METTL15: variants seen among roughly 807,000 people sequenced by gnomAD.
METTL15 encodes the protein 12S rRNA N(4)-cytidine methyltransferase METTL15.
METTL15 carries 34 observed loss-of-function variants against 38.3 expected under a neutral mutation model. That is an observed-to-expected ratio of 0.89 (90% CI 0.68 to 1.18). METTL15 has a LOEUF of 1.18. Ranked by LOEUF, METTL15 falls within the 50% of genes most tolerant of loss-of-function variation. The pLI, the probability that METTL15 is intolerant of heterozygous loss-of-function variation, is 0.00. For missense variants in METTL15, 438 were observed against 498.4 expected, an observed-to-expected ratio of 0.88 and a Z score of 1.15; for synonymous variants, 162 against 170.9, an observed-to-expected ratio of 0.95 and a Z score of 0.41.
At chr11:28,390,944 C>T (rs980608260) in intron 5 of METTL15, among the ~76,000 whole-genome samples, 7 of 152,178 alleles carry the variant, frequency 4.6e-5, no homozygotes, top group East Asian at 1.9e-4. Context: ...AGGTCCTTCA[C>T]GTCCCTTGTA....
At chr11:28,270,104 G>A (rs906527755) in intron 4 of METTL15, among the ~76,000 whole-genome samples, 1 of 151,984 alleles carries the variant, frequency 6.6e-6, no homozygotes, top group Non-Finnish European at 1.5e-5. Flanking sequence ...TACTGTTATT[G>A]TTATGAATTA....
intron 4 of METTL15, among the ~76,000 whole-genome samples, chr11:28,233,147 A>G (rs1353898049): frequency 6.6e-6 from 1 of 152,052 alleles, no homozygotes; most frequent in Non-Finnish European, 1.5e-5. Flanking sequence ...GTACATTTGT[A>G]TTCTTAAATG....
At chr11:28,486,083 A>G (rs1283115448) in intron 6 of METTL15, among the ~76,000 whole-genome samples, 1 of 152,222 alleles carries the variant, frequency 6.6e-6, no homozygotes, top group Non-Finnish European at 1.5e-5. Flanking sequence ...GACACAATTT[A>G]GTCCATAGTT....
chr11:28,256,989 A>T (rs1435812776), intron 4 of METTL15, among the ~76,000 whole-genome samples: 1 of 152,000 alleles, frequency 6.6e-6, no homozygotes. Context: ...TGTACTTTGC[A>T]TGTATTTGTA....
intron 5 of METTL15, among the ~76,000 whole-genome samples, chr11:28,382,853 G>C (rs949696825): frequency 6.6e-6 from 1 of 151,266 alleles, no homozygotes; most frequent in Non-Finnish European, 1.5e-5. Flanking sequence ...AAAAAAGAAA[G>C]TTCAATTATC....
intron 5 of METTL15, among the ~76,000 whole-genome samples, chr11:28,378,708 A>G (rs1441646130): frequency 1.3e-5 from 2 of 149,628 alleles, no homozygotes; most frequent in African/African-American, 4.9e-5. Flanking sequence ...TTGTGTTGGT[A>G]TCAGGGTAAT....
At chr11:28,380,939 A>T (rs774245308) in intron 5 of METTL15, among the ~76,000 whole-genome samples, 17 of 151,844 alleles carry the variant, frequency 1.1e-4, no homozygotes, top group African/African-American at 3.6e-4. Flanking sequence ...ATTGGATTCC[A>T]TCATATCTCA....
chr11:28,272,043 G>A (rs12793245), intron 4 of METTL15, among the ~76,000 whole-genome samples: 1 of 152,102 alleles, frequency 6.6e-6, no homozygotes, highest in African/African-American at 2.4e-5. Flanking sequence ...AGTTAGAATG[G>A]CGATCATTAA....
intron 5 of METTL15, among the ~76,000 whole-genome samples, chr11:28,366,271 G>A (rs76563378): frequency 1.3e-5 from 2 of 152,062 alleles, no homozygotes; most frequent in African/African-American, 2.4e-5. Flanking sequence ...TGGAGAGAAA[G>A]CCTTGAATCC....
chr11:28,425,787 A>G (rs1054293058), intron 6 of METTL15, among the ~76,000 whole-genome samples: 1 of 152,210 alleles, frequency 6.6e-6, no homozygotes, highest in African/African-American at 2.4e-5. Flanking sequence ...TAGCTAGCAC[A>G]GAGTCTGCCA....
At chr11:28,409,208 C>G (rs1484947873) in intron 5 of METTL15, among the ~76,000 whole-genome samples, 2 of 151,496 alleles carry the variant, frequency 1.3e-5, no homozygotes, top group East Asian at 3.9e-4. Context: ...TGGTGAAACC[C>G]CGTCTCTACT....
intron 3 of METTL15, among the ~76,000 whole-genome samples, chr11:28,190,500 A>G (rs1219240375): frequency 6.6e-6 from 1 of 151,126 alleles, no homozygotes; most frequent in Admixed American, 6.6e-5. Context: ...TTTTTATCTT[A>G]TTTTAGAATT....
intron 6 of METTL15, among the ~76,000 whole-genome samples, chr11:28,298,383 G>C (rs1322349465): frequency 6.6e-6 from 1 of 152,062 alleles, no homozygotes; most frequent in Non-Finnish European, 1.5e-5. Context: ...GTTGGGGCTA[G>C]AGAGCATCCT....
At chr11:28,293,869 G>A (rs193056871) in intron 5 of METTL15, among the ~76,000 whole-genome samples, 7 of 152,180 alleles carry the variant, frequency 4.6e-5, no homozygotes, top group African/African-American at 1.7e-4. Context: ...TCTGTTATTG[G>A]TGTATAGGAA....
At position 28,411,507 on chromosome 11, in the gene METTL15, A is replaced by G. The variant is rs1478617787; in HGVS notation, c.*359-12792A>G. 3.3e-5 allele frequency among the ~76,000 whole-genome samples: 5 copies of G among 152,098 alleles called. No individual in the cohort carries two copies. In the South Asian group the frequency reaches 8.3e-4, roughly 25 times the overall value. On this transcript the variant is annotated intron_variant and NMD_transcript_variant, in intron 5 of 7. Coordinates refer to the METTL15 transcript ENST00000532947. The stretch of plus-strand genomic sequence containing the variant: ...GGGGAAACAATAGTCTCTTTAATAA[A>G]TAATGTTGGGAAAACTGTATTTCTA...
intron 6 of METTL15, chr11:28,424,407 G>T (rs1850847473): frequency 6.6e-6 from 1 of 152,086 alleles, no homozygotes; most frequent in Non-Finnish European, 1.5e-5. Context: ...TTAGTTTTCT[G>T]CATGGAGGAT....
chr11:28,510,089 C>T (rs769662749), intron 6 of METTL15, among the ~76,000 whole-genome samples: 6 of 152,138 alleles, frequency 3.9e-5, no homozygotes, highest in Non-Finnish European at 8.8e-5. Flanking sequence ...CAGGCCAGAG[C>T]TTCAGGTTAA....
chr11:28,390,163 T>TGCCATTCTG (rs1850487514), intron 5 of METTL15, among the ~76,000 whole-genome samples: 1 of 152,078 alleles, frequency 6.6e-6, no homozygotes, highest in Non-Finnish European at 1.5e-5. Flanking sequence ...GAAAATTTTC[T>TGCCATTCTG]GCCATTCTGT....
At chr11:28,465,749 C>G (rs1382077776) in intron 6 of METTL15, among the ~76,000 whole-genome samples, 1 of 152,166 alleles carries the variant, frequency 6.6e-6, no homozygotes, top group African/African-American at 2.4e-5. Flanking sequence ...CAAGATTCTC[C>G]TATTGACATT....
Sources: gnomAD v4.1 joint callset for allele counts (sites outside exome capture counted in the v4.1 genomes callset) on GRCh38, gnomAD v4.1.1 for gene constraint, MANE v1.5 for transcripts, NCBI Gene and HGNC (gene_info 2026-07-23, HGNC 2026-07-21) for gene names.